NKAIN2: variants seen among roughly 807,000 people sequenced by gnomAD.
The protein encoded by NKAIN2 is sodium/potassium-transporting ATPase subunit beta-1-interacting protein 2.
Under a neutral mutation model 32.6 loss-of-function variants are expected in NKAIN2, and 14 were observed. The ratio of observed to expected loss-of-function variants is 0.43; its 90% CI spans 0.28 to 0.67. The LOEUF (loss-of-function observed/expected upper bound fraction) is 0.67, where lower values mean the gene tolerates loss of function less well. Ranked by LOEUF, NKAIN2 falls within the 30% of genes least tolerant of loss-of-function variation. The pLI, the probability that NKAIN2 is intolerant of heterozygous loss-of-function variation, is 0.17. For synonymous variants in NKAIN2, 80 were observed against 87.2 expected (o/e 0.92, Z 0.46); for missense variants, 198 against 258.3 (o/e 0.77, Z 1.60).
At chr6:124,274,087 G>C (rs1280730244) in intron 1 of NKAIN2, among the ~76,000 whole-genome samples, 2 of 152,108 alleles carry the variant, frequency 1.3e-5, no homozygotes, top group African/African-American at 4.8e-5. Flanking sequence ...TAATAAATGA[G>C]AATCAGACTA....
chr6:124,299,970 G>C (rs577385625), intron 2 of NKAIN2, among the ~76,000 whole-genome samples: 1 of 152,196 alleles, frequency 6.6e-6, no homozygotes, highest in Non-Finnish European at 1.5e-5. Context: ...GTTACTGTGT[G>C]TATGACTGGC....
chr6:124,017,233 G>A (rs1780616699), intron 1 of NKAIN2, among the ~76,000 whole-genome samples: 1 of 152,028 alleles, frequency 6.6e-6, no homozygotes, highest in Admixed American at 6.5e-5. Context: ...AACAGTATGG[G>A]AAAGACCCGC....
At chr6:124,191,760 A>G (rs1161535667) in intron 1 of NKAIN2, among the ~76,000 whole-genome samples, 1 of 152,166 alleles carries the variant, frequency 6.6e-6, no homozygotes, top group Non-Finnish European at 1.5e-5. Flanking sequence ...AGTGTGTCCT[A>G]TCTACTCATT....
At chr6:124,630,111 G>A (rs1783506033) in intron 3 of NKAIN2, among the ~76,000 whole-genome samples, 1 of 152,068 alleles carries the variant, frequency 6.6e-6, no homozygotes, top group African/African-American at 2.4e-5. Context: ...GAGAGAAGAA[G>A]GTTTAAAGTA....
intron 3 of NKAIN2, among the ~76,000 whole-genome samples, chr6:124,496,387 G>T (rs1436808298): frequency 6.6e-6 from 1 of 152,128 alleles, no homozygotes; most frequent in Non-Finnish European, 1.5e-5. Flanking sequence ...TACAGGCAAG[G>T]CTATATGTAT....
rs1784157883 is a variant in NKAIN2, at chr6:124,646,120, T to G, written c.274-12066T>G. ...GACAATAATTGTTTTTAATATTTAC[T>G]TATTTATTTAGTGAAGATGAGTAAC... On this transcript the variant is annotated intron_variant, in intron 3 of 6. Coordinates refer to ENST00000368417, the MANE Select transcript of NKAIN2 (RefSeq NM_001040214.3). 2.0e-5 allele frequency among the ~76,000 whole-genome samples: 3 copies of G among 152,096 alleles called. No homozygotes were observed. In the South Asian group the frequency reaches 6.2e-4, roughly 31 times the overall value.
At chr6:123,823,880 T>C (rs1774028037) in intron 1 of NKAIN2, among the ~76,000 whole-genome samples, 1 of 152,056 alleles carries the variant, frequency 6.6e-6, no homozygotes, top group African/African-American at 2.4e-5. Context: ...GATAGGGTAG[T>C]TTCATTAGCA....
At chr6:124,790,304 A>G (rs1779691166) in intron 4 of NKAIN2, among the ~76,000 whole-genome samples, 1 of 152,052 alleles carries the variant, frequency 6.6e-6, no homozygotes, top group Non-Finnish European at 1.5e-5. Context: ...CTGTCATCTA[A>G]TGAAAAACAA....
At chr6:124,687,131 C>T (rs2114521847) in intron 4 of NKAIN2, among the ~76,000 whole-genome samples, 1 of 132,620 alleles carries the variant, frequency 7.5e-6, no homozygotes, top group East Asian at 2.6e-4. Flanking sequence ...AATAAGCTCC[C>T]TTAAATATAT....
chr6:124,308,572 T>A (rs1307363439), intron 2 of NKAIN2, among the ~76,000 whole-genome samples: 1 of 152,196 alleles, frequency 6.6e-6, no homozygotes, highest in African/African-American at 2.4e-5. Flanking sequence ...ACAGTAAAGA[T>A]TGAAGTAAAA....
intron 3 of NKAIN2, among the ~76,000 whole-genome samples, chr6:124,634,305 G>A (rs1783688361): frequency 6.6e-6 from 1 of 152,044 alleles, no homozygotes; most frequent in South Asian, 2.1e-4. Flanking sequence ...ATTATCTTAA[G>A]GGAACTCAGT....
At chr6:124,475,847 A>G (rs1217982127) in intron 3 of NKAIN2, among the ~76,000 whole-genome samples, 3 of 152,196 alleles carry the variant, frequency 2.0e-5, no homozygotes, top group South Asian at 2.1e-4. Flanking sequence ...CTGATGAAGT[A>G]CTTGCTTTTC....
intron 1 of NKAIN2, among the ~76,000 whole-genome samples, chr6:123,982,987 C>T (rs1348342330): frequency 7.3e-6 from 1 of 137,780 alleles, no homozygotes; most frequent in African/African-American, 2.6e-5. Context: ...CCACCCCCAC[C>T]CCCGCCCCCA....
At chr6:123,884,203 C>T (rs947376152) in intron 1 of NKAIN2, among the ~76,000 whole-genome samples, 1 of 152,070 alleles carries the variant, frequency 6.6e-6, no homozygotes, top group Non-Finnish European at 1.5e-5. Flanking sequence ...TAAGTGAGAA[C>T]ATATGGTACT....
intron 1 of NKAIN2, among the ~76,000 whole-genome samples, chr6:124,121,323 T>C (rs1219122776): frequency 6.6e-6 from 1 of 152,054 alleles, no homozygotes; most frequent in Non-Finnish European, 1.5e-5. Context: ...AGTAGGTTGA[T>C]GGAGAAGAAA....
rs112869552 is a variant in NKAIN2 at position 124,180,041 on chromosome 6, A to G, written c.55-102964A>G. The stretch of plus-strand genomic sequence containing the variant: ...TGTATGACATTTTCTTTTCAGGTGA[A>G]GTTTTCTCCTTTCATGGGTAAATAG... On this transcript the variant is annotated intron_variant, in intron 1 of 6. Coordinates refer to ENST00000368417, the MANE Select transcript of NKAIN2 (RefSeq NM_001040214.3). Among the ~76,000 whole-genome samples, 863 of 152,210 alleles carry G rather than the reference A, an allele frequency of 5.7e-3. 14 individuals carry two copies. The highest frequency in any genetic ancestry group is 0.017 in the African/African-American group (726 of 41,528).
chr6:124,388,009 GT>G (rs531592570), intron 3 of NKAIN2, among the ~76,000 whole-genome samples: 13 of 152,174 alleles, frequency 8.5e-5, no homozygotes, highest in East Asian at 5.8e-4. Context: ...CTATCATGTA[GT>G]GAATAAAGAC....
intron 1 of NKAIN2, among the ~76,000 whole-genome samples, chr6:124,184,737 C>T (rs76997564): frequency 3.1e-3 from 469 of 152,182 alleles, no homozygotes; most frequent in African/African-American, 0.01. Flanking sequence ...TGAAAAACAT[C>T]CCAGATCAAC....
intron 1 of NKAIN2, among the ~76,000 whole-genome samples, chr6:123,908,561 G>A (rs1775006529): frequency 6.6e-6 from 1 of 152,164 alleles, no homozygotes; most frequent in Non-Finnish European, 1.5e-5. Flanking sequence ...GTTACAAGTA[G>A]TGAATGTCAA....
Sources: gnomAD v4.1 joint callset for allele counts (sites outside exome capture counted in the v4.1 genomes callset) on GRCh38, gnomAD v4.1.1 for gene constraint, MANE v1.5 for transcripts, NCBI Gene and HGNC (gene_info 2026-07-23, HGNC 2026-07-21) for gene names.